The following RIN3 variants were observed in gnomAD, a reference collection of about 807,000 sequenced individuals.
RIN3 encodes the protein Ras and Rab interactor 3, also known as RAB5 interacting protein 3.
In RIN3, 54 loss-of-function variants were observed where a neutral mutation model predicts 76.3. That is an observed-to-expected ratio of 0.71 (90% CI 0.57 to 0.89). The LOEUF (loss-of-function observed/expected upper bound fraction) is 0.89. Ranked by LOEUF, RIN3 falls within the 40% of genes least tolerant of loss-of-function variation. The pLI is 0.00. For synonymous variants in RIN3, 576 were observed against 564.0 expected (o/e 1.02, Z -0.30); for missense variants, 1,256 against 1,322.1 (o/e 0.95, Z 0.78).
At chr14:92,662,425 C>G (rs367810139) in intron 7 of RIN3, among the ~76,000 whole-genome samples, 2 of 152,214 alleles carry the variant, frequency 1.3e-5, no homozygotes, top group Non-Finnish European at 2.9e-5. Flanking sequence ...GCTTCCTTGC[C>G]GGCTCTGCCG....
At chr14:92,669,793 G>A (rs1273875298) in intron 7 of RIN3, among the ~76,000 whole-genome samples, 1 of 152,184 alleles carries the variant, frequency 6.6e-6, no homozygotes, top group Non-Finnish European at 1.5e-5. Flanking sequence ...TCAGCATCTA[G>A]GGCTGCTTAT....
At chr14:92,619,302 T>A (rs908777210) in intron 4 of RIN3, among the ~76,000 whole-genome samples, 3 of 152,108 alleles carry the variant, frequency 2.0e-5, no homozygotes, top group East Asian at 3.8e-4. Context: ...CAGAGTACCA[T>A]AAATTATTTA....
chr14:92,663,433 G>A (rs1170859034), intron 7 of RIN3, among the ~76,000 whole-genome samples: 3 of 152,216 alleles, frequency 2.0e-5, no homozygotes, highest in African/African-American at 7.2e-5. Context: ...TCTATCCTCA[G>A]CAGGCAAGAG....
intron 7 of RIN3, among the ~76,000 whole-genome samples, chr14:92,665,333 T>C (rs1176734572): frequency 6.6e-6 from 1 of 151,864 alleles, no homozygotes; most frequent in African/African-American, 2.4e-5. Flanking sequence ...AAAAGTTCAT[T>C]ATGCGTTGCG....
intron 3 of RIN3, among the ~76,000 whole-genome samples, chr14:92,588,291 G>A (rs893324948): frequency 3.1e-5 from 4 of 128,956 alleles, no homozygotes; most frequent in Admixed American, 1.0e-4. Flanking sequence ...GCAGTGGCGC[G>A]ATCTCTGCTC....
chr14:92,609,180 CA>C (rs1278198531), intron 3 of RIN3, among the ~76,000 whole-genome samples: 1 of 152,128 alleles, frequency 6.6e-6, no homozygotes, highest in Non-Finnish European at 1.5e-5. Flanking sequence ...TCTTTAAAAA[CA>C]AAAACACCTA....
intron 7 of RIN3, among the ~76,000 whole-genome samples, chr14:92,674,640 G>T (rs1888397527): frequency 6.6e-6 from 1 of 152,054 alleles, no homozygotes; most frequent in African/African-American, 2.4e-5. Context: ...TGTAATCCCA[G>T]CACTTTAGGA....
intron 3 of RIN3, among the ~76,000 whole-genome samples, chr14:92,587,008 T>G (rs1884800806): frequency 6.6e-6 from 1 of 152,126 alleles, no homozygotes. Context: ...GGTAGAACTC[T>G]GTTGGGGGAG....
intron 5 of RIN3, chr14:92,644,844 A>G (rs533468316): frequency 5.3e-5 from 8 of 152,346 alleles, no homozygotes; most frequent in African/African-American, 1.9e-4. Context: ...CATGTGAAAT[A>G]GTGATAATAA....
chr14:92,588,011 T>C (rs1884837633), intron 3 of RIN3, among the ~76,000 whole-genome samples: 1 of 152,094 alleles, frequency 6.6e-6, no homozygotes, highest in African/African-American at 2.4e-5. Flanking sequence ...AGGGATGCTA[T>C]GTCCTCACTT....
chr14:92,664,533 A>ATT (rs58967829), intron 7 of RIN3, among the ~76,000 whole-genome samples: 35,622 of 147,330 alleles, frequency 0.24, 5,075 homozygotes, highest in African/African-American at 0.39. Flanking sequence ...ATGCCCAGCT[A>ATT]TTTTTTTTTT....
At chr14:92,604,909 C>CTTTTTT (rs148326639) in intron 3 of RIN3, among the ~76,000 whole-genome samples, 29 of 90,066 alleles carry the variant, frequency 3.2e-4, no homozygotes, top group African/African-American at 3.9e-4. Context: ...CCATTTTCCT[C>CTTTTTT]TTTTTTTTTT....
At chr14:92,603,118 GA>G (rs1425094968) in intron 3 of RIN3, among the ~76,000 whole-genome samples, 4 of 152,202 alleles carry the variant, frequency 2.6e-5, no homozygotes, top group Non-Finnish European at 5.9e-5. Context: ...CAGGGCTAAG[GA>G]GGGATGATCT....
chr14:92,597,454 C>T (rs369488329), intron 3 of RIN3, among the ~76,000 whole-genome samples: 12 of 152,294 alleles, frequency 7.9e-5, no homozygotes, highest in African/African-American at 2.4e-4. Flanking sequence ...CTTTGAGGAA[C>T]GCCAGTGGCA....
At position 92,549,022 on chromosome 14, in the gene RIN3, C is replaced by T. The variant is rs28696973; in HGVS notation, c.45-6729C>T. Among the ~76,000 whole-genome samples, 658 of 152,154 alleles carry T rather than the reference C, an allele frequency of 4.3e-3. 3 individuals carry two copies. The highest frequency in any genetic ancestry group is 0.015 in the African/African-American group (624 of 41,508). ...CACCAGGGCTCCCTCCCTCCCACGC[C>T]GGCCCCTGCACTCCCTCTGTGTACT... On this transcript the variant is annotated intron_variant, in intron 1 of 9. Coordinates refer to ENST00000216487, the MANE Select transcript of RIN3 (RefSeq NM_024832.5).
intron 1 of RIN3, among the ~76,000 whole-genome samples, chr14:92,521,835 G>A (rs910966364): frequency 1.3e-5 from 2 of 152,214 alleles, no homozygotes; most frequent in Non-Finnish European, 2.9e-5. Context: ...AAAAGCTGCC[G>A]AACTTCTGTT....
At chr14:92,542,620 A>C (rs1897153687) in intron 1 of RIN3, among the ~76,000 whole-genome samples, 1 of 152,248 alleles carries the variant, frequency 6.6e-6, no homozygotes, top group South Asian at 2.1e-4. Flanking sequence ...CTTGCACATG[A>C]ATATTAGCAG....
intron 2 of RIN3, among the ~76,000 whole-genome samples, chr14:92,558,887 C>CTTTTTTTTTTTTTTTTTTTTTTTTT (rs61202055): frequency 7.6e-6 from 1 of 130,766 alleles, no homozygotes; most frequent in African/African-American, 2.9e-5. Context: ...CTTTTCTTTT[C>CTTTTTTTTTTTTTTTTTTTTTTTTT]TTTTTTTTTT....
In RIN3 at chr14:92,618,097, G is replaced by GT. The variant is rs368655230; in HGVS notation, c.440+2626dup. 4.0e-3 allele frequency among the ~76,000 whole-genome samples: 609 copies of GT among 152,192 alleles called. 2 individuals are homozygous for GT. Among genetic ancestry groups the GT allele is most frequent in the Non-Finnish European group, 5.3e-3 (363 of 67,998 alleles). On this transcript the variant is annotated intron_variant, in intron 4 of 9. Coordinates refer to ENST00000216487, the MANE Select transcript of RIN3 (RefSeq NM_024832.5). ...GCAGCCATAATGAGGTACCATTAAA[G>GT]TTTTTTTTAACCTGCATTGGGCCTT...
Sources: allele counts gnomAD v4.1 joint callset (sites outside exome capture counted in the v4.1 genomes callset), GRCh38; gene constraint gnomAD v4.1.1; transcripts MANE v1.5; gene names NCBI Gene and HGNC (gene_info 2026-07-23, HGNC 2026-07-21).